The following TNXB variants were observed in gnomAD, a reference collection of about 807,000 sequenced individuals.
The protein encoded by TNXB is tenascin XB.
Under a neutral mutation model 340.5 loss-of-function variants are expected in TNXB, and 183 were observed. The observed-to-expected ratio is 0.54, with a 90% CI of 0.48 to 0.61. TNXB has a LOEUF of 0.61. Among genes scored for constraint, TNXB ranks in the 20% least tolerant of loss-of-function variants. TNXB has a pLI of 0.00. For synonymous variants in TNXB, 2,121 were observed against 2,314.5 expected (o/e 0.92, Z 2.40); for missense variants, 4,613 against 5,446.4 (o/e 0.85, Z 4.82).
Position 32,052,764 on chromosome 6 carries a change from C to G in TNXB, c.9021G>C (p.Val3007=), listed in dbSNP as rs766088865. 45 of 1,613,638 alleles carry G rather than the reference C, an allele frequency of 2.8e-5. No individual in the cohort carries two copies. The highest frequency in any genetic ancestry group is 5.5e-5 in the South Asian group (5 of 91,080). The change falls in exon 26 of 44, where the codon GTG becomes GTC. Residue 3007 remains valine, a synonymous_variant. Transcript: ENST00000644971. The surrounding 1 kb of genome is among the most constrained non-coding windows in gnomAD (Gnocchi z 4.7). ...ATTTGCACCCGGGCTCCAGGCCCCC[C>G]ACGGTGACCTCGCTCTCCTCGCCCC... The part of the protein sequence containing the change: ...RVRGEESEVT[V]GGLEPGCKYK...
At chr6:32,063,259 A>G (rs1778141461) in intron 19 of TNXB, among the ~76,000 whole-genome samples, 1 of 151,654 alleles carries the variant, frequency 6.6e-6, no homozygotes, top group South Asian at 2.1e-4. Context: ...GTGCTGGTGC[A>G]TGCCTGTAAT....
intron 24 of TNXB, 22 bp downstream of exon 24, chr6:32,055,829 T>G (rs904920034): frequency 1.3e-6 from 2 of 1,596,588 alleles, no homozygotes; most frequent in South Asian, 2.2e-5. Context: ...TAGGGCCATC[T>G]TCCTCACTCA....
rs1269459821 is a variant in TNXB, at chr6:32,064,645, G to A, written c.6841+176C>T. Among the ~76,000 whole-genome samples, 1 of 152,124 alleles carries A rather than the reference G, an allele frequency of 6.6e-6. No individual in the cohort carries two copies. Among genetic ancestry groups the A allele is most frequent in the Non-Finnish European group, 1.5e-5 (1 of 68,038 alleles). Reference sequence around the variant, plus strand: ...GGAACCCAAAAAGCCCATGTGTAACGGGCAGAAGACCTGGGGCAATACCAA... The same window carrying A: ...GGAACCCAAAAAGCCCATGTGTAACAGGCAGAAGACCTGGGGCAATACCAA... On this transcript the variant is annotated intron_variant, in intron 19 of 43. Transcript: ENST00000644971. This position sits in a 1 kb window ranked among gnomAD's most constrained non-coding sequence, Gnocchi z 5.3.
intron 4 of TNXB, among the ~76,000 whole-genome samples, chr6:32,091,717 A>C (rs1186217520): frequency 6.6e-6 from 1 of 151,622 alleles, no homozygotes; most frequent in African/African-American, 2.4e-5. Flanking sequence ...CAGATGATCC[A>C]CCCACTTTGG....
rs192377149 is a variant in TNXB, at chr6:32,054,185, C to G, written c.8468-474G>C. On this transcript the variant is annotated intron_variant, in intron 24 of 43. Coordinates refer to ENST00000644971, the MANE Select transcript of TNXB (RefSeq NM_001365276.2). Reference sequence around the variant, plus strand: ...AGTTTCCCTGGATACCTTCCTCCCCCACCTCCAGTCCCCAATCCTAGTTTG... The same window carrying G: ...AGTTTCCCTGGATACCTTCCTCCCCGACCTCCAGTCCCCAATCCTAGTTTG... Among the ~76,000 whole-genome samples, 167 of 152,246 alleles carry G rather than the reference C, an allele frequency of 1.1e-3. 3 individuals are homozygous for G. Among genetic ancestry groups the G allele is most frequent in the Admixed American group, 7.6e-3 (116 of 15,298 alleles).
At position 32,058,919 on chromosome 6, in the gene TNXB, G is replaced by C. The variant is rs879437290; in HGVS notation, c.7493-529C>G. ...TACAATGTACTTGTGTACAAAAAAGGAAGTGCCAAGAACTTTATGAACACT... is the reference window on the plus strand; with the variant it reads ...TACAATGTACTTGTGTACAAAAAAGCAAGTGCCAAGAACTTTATGAACACT... On this transcript the variant is annotated intron_variant, in intron 21 of 43. Coordinates refer to ENST00000644971, the MANE Select transcript of TNXB (RefSeq NM_001365276.2). The surrounding 1 kb of genome is among the most constrained non-coding windows in gnomAD (Gnocchi z 5.1). Among the ~76,000 whole-genome samples the C allele has an allele frequency of 1.1e-4, 17 of 152,052 alleles. No individual in the cohort carries two copies. Among genetic ancestry groups the C allele is most frequent in the Admixed American group, 4.6e-4 (7 of 15,286 alleles).
At chr6:32,101,218 T>C (rs1780704697) in intron 1 of TNXB, among the ~76,000 whole-genome samples, 2 of 152,130 alleles carry the variant, frequency 1.3e-5, no homozygotes, top group African/African-American at 4.8e-5. Context: ...TTTTATTTAT[T>C]TTACCTGGGC....
In TNXB at chr6:32,055,864, G is replaced by C. The variant is rs768264164; in HGVS notation, c.8454C>G (p.Thr2818=). The C allele has an allele frequency of 9.3e-6, 15 of 1,611,552 alleles. No individual in the cohort carries two copies. Among genetic ancestry groups the C allele is most frequent in the African/African-American group, 6.7e-5 (5 of 74,884 alleles). ...ACAAACACTCACCTGTCACACCCAC[G>C]GTGGACACCGGGCCCACACGCCGCC... ...HEGRRVGPVS[T]VGVTAPEDEA... The change falls in exon 24 of 44, where the codon ACC becomes ACG. Residue 2818 remains threonine (T), a synonymous_variant. Coordinates refer to ENST00000644971, the MANE Select transcript of TNXB (RefSeq NM_001365276.2).
rs11756755 is a variant in TNXB at position 32,094,603 on chromosome 6, T to G, written c.2358+473A>C. On this transcript the variant is annotated intron_variant, in intron 4 of 43. Coordinates refer to ENST00000644971, the MANE Select transcript of TNXB (RefSeq NM_001365276.2). Reference sequence around the variant, plus strand: ...GTAAAGGATTCAGAGAATAAAGACTTAGGGAAAAGGGGCGAAGAAACTGGG... The same window carrying G: ...GTAAAGGATTCAGAGAATAAAGACTGAGGGAAAAGGGGCGAAGAAACTGGG... Among the ~76,000 whole-genome samples, 731 of 152,128 alleles carry G rather than the reference T, an allele frequency of 4.8e-3. 4 individuals carry two copies. The highest frequency in any genetic ancestry group is 0.02 in the Middle Eastern group (6 of 294).
rs1288470318 is a variant in TNXB, at chr6:32,082,382, G to A, written c.3446-56C>T. Reference sequence around the variant, plus strand: ...ACTTAGGTCCAAGGAGAATGGGGAAGCCAAATCCCACATAGGAATGCTGTG... The same window carrying A: ...ACTTAGGTCCAAGGAGAATGGGGAAACCAAATCCCACATAGGAATGCTGTG... On this transcript the variant is annotated intron_variant, in intron 8 of 43. Coordinates refer to ENST00000644971, the MANE Select transcript of TNXB (RefSeq NM_001365276.2). The surrounding 1 kb of genome is among the most constrained non-coding windows in gnomAD (Gnocchi z 5.0). 4.7e-6 allele frequency: 7 copies of A among 1,500,896 alleles called. No individual in the cohort carries two copies. The highest frequency in any genetic ancestry group is 6.3e-6 in the Non-Finnish European group (7 of 1,113,048). 93.0% of individuals were successfully genotyped at this position (1,500,896 alleles called of 1,614,324 possible). A position where few individuals can be genotyped will look rare whatever the true frequency, so the allele number is the denominator to read the frequency against.
In TNXB at chr6:32,055,982, A is replaced by G. The variant is rs368240991; in HGVS notation, c.8336T>C (p.Val2779Ala). ...GCTCTCCTCGCCCCTGACACGCATC[A>G]CCTGGGGCCGCCCGTCCCTGTCCTT... ...QYKDRDGRPQ[V>A]MRVRGEESEV... The change falls in exon 24 of 44, where the codon GTG becomes GCG. Residue 2779 changes from valine (V) to alanine (A), a missense_variant. Coordinates refer to ENST00000644971, the MANE Select transcript of TNXB (RefSeq NM_001365276.2). 2.5e-6 allele frequency: 4 copies of G among 1,613,226 alleles called. No homozygotes were observed. The highest frequency in any genetic ancestry group is 1.3e-5 in the African/African-American group (1 of 74,988).
At chr6:32,086,685 C>A (rs1779798527) in intron 6 of TNXB, among the ~76,000 whole-genome samples, 1 of 152,176 alleles carries the variant, frequency 6.6e-6, no homozygotes, top group African/African-American at 2.4e-5. Flanking sequence ...GAGAGACCAG[C>A]ATAAAGTGAG....
At position 32,068,070 on chromosome 6, in the gene TNXB, C is replaced by T. The variant is rs1473861563; in HGVS notation, c.6221-86G>A. 44 of 1,520,578 alleles carry T rather than the reference C, an allele frequency of 2.9e-5. No individual in the cohort carries two copies. Among genetic ancestry groups the T allele is most frequent in the Non-Finnish European group, 3.7e-5 (42 of 1,131,016 alleles). 94.2% of individuals were successfully genotyped at this position (1,520,578 alleles called of 1,614,324 possible). A position where few individuals can be genotyped will look rare whatever the true frequency, so the allele number is the denominator to read the frequency against. ...AAGCCAAGGCTATGACTGGGGGACC[C>T]GAGGTCAGTTCAGAGAGGCCTACTC... is the stretch of plus-strand genomic sequence containing the variant. On this transcript the variant is annotated intron_variant, in intron 17 of 43. Transcript: ENST00000644971. This position sits in a 1 kb window ranked among gnomAD's most constrained non-coding sequence, Gnocchi z 5.3.
Position 32,080,754 on chromosome 6 carries a change from C to G in TNXB, c.4042+614G>C, listed in dbSNP as rs955404561. On this transcript the variant is annotated intron_variant, in intron 10 of 43. Coordinates refer to ENST00000644971, the MANE Select transcript of TNXB (RefSeq NM_001365276.2). This position sits in a 1 kb window ranked among gnomAD's most constrained non-coding sequence, Gnocchi z 4.3. ...AATAATTCACAGGCCAGGGGAATGGCACTGGACAGGGAAAGGCTGGGGACA... is the reference window on the plus strand; with the variant it reads ...AATAATTCACAGGCCAGGGGAATGGGACTGGACAGGGAAAGGCTGGGGACA... 6.6e-6 allele frequency among the ~76,000 whole-genome samples: 1 copy of G among 152,154 alleles called. No individual in the cohort carries two copies. Among genetic ancestry groups the G allele is most frequent in the African/African-American group, 2.4e-5 (1 of 41,414 alleles).
At position 32,055,965 on chromosome 6, in the gene TNXB, C is replaced by A. The variant is rs771584531; in HGVS notation, c.8353G>T (p.Glu2785Ter). The A allele has an allele frequency of 6.2e-7, 1 of 1,613,386 alleles. No homozygotes were observed. The highest frequency in any genetic ancestry group is 1.3e-5 in the African/African-American group (1 of 74,922). ...CCCCCCACGGTGACCTCGCTCTCCT[C>A]GCCCCTGACACGCATCACCTGGGGC... ...GRPQVMRVRG[E>*]ESEVTVGGLE... The change falls in exon 24 of 44, where the codon GAG becomes TAG. Residue 2785 changes from glutamate to a stop codon, truncating the protein, a stop_gained. Coordinates refer to ENST00000644971, the MANE Select transcript of TNXB (RefSeq NM_001365276.2). LOFTEE classifies it high-confidence loss of function.
At chr6:32,063,074 AAAC>A (rs1319421000) in intron 19 of TNXB, among the ~76,000 whole-genome samples, 1 of 145,780 alleles carries the variant, frequency 6.9e-6, no homozygotes, top group African/African-American at 2.5e-5. Context: ...AAACAAACAA[AAAC>A]AAACAAACAA....
chr6:32,081,458 C>G lies in TNXB; in HGVS notation c.3952G>C (p.Gly1318Arg), dbSNP rs536142838. 3 of 1,591,702 alleles carry G rather than the reference C, an allele frequency of 1.9e-6. No individual in the cohort carries two copies. The highest frequency in any genetic ancestry group is 1.7e-6 in the Non-Finnish European group (2 of 1,168,948). Residue 1318 changes from glycine (G) to arginine (R), a missense_variant, in exon 10 of 44, where the codon GGC becomes CGC. Physicochemically the swap from Gly to Arg is moderately radical, Grantham distance 125. Coordinates refer to ENST00000644971, the MANE Select transcript of TNXB (RefSeq NM_001365276.2). The surrounding 1 kb of genome is among the most constrained non-coding windows in gnomAD (Gnocchi z 5.1). ...AGDENEVTVP[G>R]LDPDRKYKMN... Reference sequence around the variant, plus strand: ...TTATACTTCCGGTCGGGATCCAGGCCGGGGACAGTAACCTCATTCTCATCC... The same window carrying G: ...TTATACTTCCGGTCGGGATCCAGGCGGGGGACAGTAACCTCATTCTCATCC...
chr6:32,053,658 G>C lies in TNXB; in HGVS notation c.8521C>G (p.Pro2841Ala). The stretch of plus-strand genomic sequence containing the variant: ...TCCCCGAGGCGAGGCTTGTTGGGGG[G>C]CTCAGGGGTTGTGGTGGGCACTGCT... ...TQAVPTTTPE[P>A]PNKPRLGELT... The change falls in exon 25 of 44, where the codon CCC (proline) becomes GCC (alanine). Residue 2841 changes from proline to alanine, a missense_variant. Pro to Ala is a conservative substitution (Grantham distance 27). Around this residue, in one of 7 missense-constraint regions of TNXB, gnomAD observed 4,327 missense variants for 4,859.4 expected, o/e 0.89. Coordinates refer to ENST00000644971, the MANE Select transcript of TNXB (RefSeq NM_001365276.2). 6.2e-7 allele frequency: 1 copy of C among 1,613,338 alleles called. No homozygotes were observed. Among genetic ancestry groups the C allele is most frequent in the Middle Eastern group, 1.7e-4 (1 of 6,034 alleles).
Position 32,067,727 on chromosome 6 carries a change from T to C in TNXB, c.6478A>G (p.Lys2160Glu), listed in dbSNP as rs1330646257. ...VGGLEPGRKY[K>E]MHLYGLHEGR... ...TCGTGGAGGCCGTACAGGTGCATCT[T>C]GTACTTGCGCCCAGGCTCCAGGCCC... The change falls in exon 18 of 44, where the codon AAG becomes GAG. Residue 2160 changes from lysine to glutamate, a missense_variant. Physicochemically the swap from Lys to Glu is moderately conservative, Grantham distance 56. Transcript: ENST00000644971. The surrounding 1 kb of genome is among the most constrained non-coding windows in gnomAD (Gnocchi z 4.2). 6.2e-7 allele frequency: 1 copy of C among 1,613,866 alleles called. No homozygotes were observed. Among genetic ancestry groups the C allele is most frequent in the Non-Finnish European group, 8.5e-7 (1 of 1,179,868 alleles).
Sources: gnomAD v4.1 joint callset for allele counts (sites outside exome capture counted in the v4.1 genomes callset) on GRCh38, gnomAD v4.1.1 for gene constraint, gnomAD v4.1.1 regional missense constraint, Gnocchi (gnomAD v3.1) non-coding constraint, MANE v1.5 for transcripts, NCBI Gene and HGNC (gene_info 2026-07-23, HGNC 2026-07-21) for gene names.